The following ATP13A3 variants were observed in gnomAD, a reference collection of about 807,000 sequenced individuals.
ATP13A3 encodes the protein ATPase 13A3.
A neutral mutation model predicts 158.1 loss-of-function variants in ATP13A3; 59 were observed. The observed-to-expected ratio is 0.37, with a 90% CI of 0.30 to 0.46. The LOEUF (loss-of-function observed/expected upper bound fraction) is 0.46, where lower values mean the gene tolerates loss of function less well. Among genes scored for constraint, ATP13A3 ranks in the 20% least tolerant of loss-of-function variants. The pLI is 1.00. For missense variants in ATP13A3, 1,166 were observed against 1,525.2 expected (o/e 0.76, Z 3.92); for synonymous variants, 491 against 504.3 (o/e 0.97, Z 0.35).
chr3:194,447,987 C>T lies in ATP13A3; in HGVS notation c.1173G>A (p.Gln391=). Residue 391 remains glutamine, a synonymous_variant, in exon 13 of 34, where the codon CAG becomes CAA. Coordinates refer to ENST00000645319, the MANE Select transcript of ATP13A3 (RefSeq NM_001367549.1). ...TGGGATACAATATGGAACGAACAAG[C>T]TGTCCTTTGGAAGTACTAAATCCTT... ...VRTGFSTSKG[Q]LVRSILYPKP... is the part of the protein sequence containing the mutation. 2 of 1,608,612 alleles carry T rather than the reference C, an allele frequency of 1.2e-6. No homozygotes were observed. Among genetic ancestry groups the T allele is most frequent in the Non-Finnish European group, 1.7e-6 (2 of 1,175,262 alleles).
At position 194,442,075 on chromosome 3, in the gene ATP13A3, C is replaced by G. The variant is rs575513411; in HGVS notation, c.1560-614G>C. 9.1e-4 allele frequency among the ~76,000 whole-genome samples: 138 copies of G among 152,168 alleles called. No individual in the cohort carries two copies. In the Middle Eastern group the frequency reaches 0.031, roughly 34 times the overall value. Reference sequence around the variant, plus strand: ...AAGCAGGGTGGTTAAGTGACTTGTCCCAGGTTACACCGTCCATAAGTAGCA... The same window carrying G: ...AAGCAGGGTGGTTAAGTGACTTGTCGCAGGTTACACCGTCCATAAGTAGCA... On this transcript the variant is annotated intron_variant, in intron 15 of 33. Transcript: ENST00000645319.
chr3:194,449,454 T>C (rs71317903), intron 11 of ATP13A3, among the ~76,000 whole-genome samples: 19,094 of 152,198 alleles, frequency 0.13, 1,368 homozygotes, highest in South Asian at 0.24. Flanking sequence ...CCAAGGTGGA[T>C]GGATCACCTG....
Position 194,494,189 on chromosome 3 carries a change from C to T in ATP13A3, n.607G>A, listed in dbSNP as rs770515685. 90 of 398,482 alleles carry T rather than the reference C, an allele frequency of 2.3e-4. No individual in the cohort carries two copies. The highest frequency in any genetic ancestry group is 3.5e-4 in the Non-Finnish European group (79 of 226,116). The allele number at this position is 398,482 out of a possible 1,614,324, so 24.7% of individuals were successfully genotyped here. On this transcript the variant is annotated non_coding_transcript_exon_variant, in exon 2 of 33. Coordinates refer to the ATP13A3 transcript ENST00000687055. This position sits in a 1 kb window ranked among gnomAD's most constrained non-coding sequence, Gnocchi z 4.2. ...AACTCTGGATTATCTGTTTAAGCAC[C>T]CAGACTTCCACCTCCTCATGAGCCA...
intron 30 of ATP13A3, 53 bp downstream of exon 30, chr3:194,425,289 A>AT: frequency 6.8e-7 from 1 of 1,460,188 alleles, no homozygotes; most frequent in Non-Finnish European, 9.5e-7. Context: ...TCTCTTCTAC[A>AT]TTAGTTTTAA....
upstream of ATP13A3, among the ~76,000 whole-genome samples, chr3:194,490,235 G>A (rs995303424): frequency 2.0e-5 from 3 of 151,928 alleles, no homozygotes; most frequent in Non-Finnish European, 2.9e-5. This position sits in a 1 kb window ranked among gnomAD's most constrained non-coding sequence, Gnocchi z 4.4. Context: ...ATCCTACATC[G>A]GCCCCAGGAT....
chr3:194,462,030 A>G lies in ATP13A3; in HGVS notation c.51+110T>C, dbSNP rs114403173. The G allele has an allele frequency of 2.2e-3, 2,162 of 963,780 alleles. 29 individuals carry two copies. The African/African-American group carries it at 0.031, about 14-fold the overall frequency. 59.7% of individuals were successfully genotyped at this position (963,780 alleles called of 1,614,324 possible). On this transcript the variant is annotated intron_variant, in intron 3 of 33. Coordinates refer to ENST00000645319, the MANE Select transcript of ATP13A3 (RefSeq NM_001367549.1). ...ACAGGATGAAGAAAGAAGCCCATTG[A>G]GTTAGCTGCTGCCGCCACTGTTGTT...
At chr3:194,450,918 T>C (rs1204478374) in intron 10 of ATP13A3, 2 of 152,220 alleles carry the variant, frequency 1.3e-5, no homozygotes, top group Admixed American at 6.5e-5. Context: ...CTGGTACAAG[T>C]TGGTGTTTGA....
At position 194,447,673 on chromosome 3, in the gene ATP13A3, G is replaced by C. The variant is rs899440239; in HGVS notation, c.1308+179C>G. On this transcript the variant is annotated intron_variant, in intron 13 of 33. Transcript: ENST00000645319. ...TCCTTTACAATGGAAATGTTCTATA[G>C]CTGGGCTTTCTAATATCATAGCTAC... 2.0e-5 allele frequency among the ~76,000 whole-genome samples: 3 copies of C among 151,764 alleles called. No individual in the cohort carries two copies. The South Asian group carries it at 6.2e-4, about 31-fold the overall frequency.
intron 30 of ATP13A3, chr3:194,420,474 A>C (rs1345454446): frequency 6.6e-6 from 1 of 152,272 alleles, no homozygotes; most frequent in Non-Finnish European, 1.5e-5. Flanking sequence ...TTCTAACCTA[A>C]ATGTAAATGT....
Position 194,454,381 on chromosome 3 carries a change from T to A in ATP13A3, c.642A>T (p.Pro214=). 6.2e-7 allele frequency: 1 copy of A among 1,611,314 alleles called. No homozygotes were observed. Among genetic ancestry groups the A allele is most frequent in the Non-Finnish European group, 8.5e-7 (1 of 1,178,084 alleles). Residue 214 remains proline (P), a synonymous_variant, in exon 9 of 34, where the codon CCA becomes CCT. Coordinates refer to ENST00000645319, the MANE Select transcript of ATP13A3 (RefSeq NM_001367549.1). ...FKLLIKEVLN[P]FYIFQLFSVI... is the part of the protein sequence containing the mutation. Reference sequence around the variant, plus strand: ...CACTGAACAGCTGGAAAATGTAAAATGGGTTGAGAACCTAAAAAACAAGAT... The same window carrying A: ...CACTGAACAGCTGGAAAATGTAAAAAGGGTTGAGAACCTAAAAAACAAGAT...
At chr3:194,454,144 T>C in intron 9 of ATP13A3, 114 bp downstream of exon 9, 1 of 1,112,830 alleles carries the variant, frequency 9.0e-7, no homozygotes, top group Non-Finnish European at 1.3e-6. Context: ...TTCATGCAAC[T>C]AAAATAATGA....
At chr3:194,408,756 A>T (rs1715136735) in intron 33 of ATP13A3, among the ~76,000 whole-genome samples, 2 of 152,072 alleles carry the variant, frequency 1.3e-5, no homozygotes, top group Non-Finnish European at 2.9e-5. Flanking sequence ...ATACACAAAA[A>T]GTACACTACA....
chr3:194,452,936 TAGA>T, intron 10 of ATP13A3: 1 of 152,252 alleles, frequency 6.6e-6, no homozygotes, highest in African/African-American at 2.4e-5. Context: ...GCCTGCTACA[TAGA>T]AGAAAAATAC....
At chr3:194,453,307 C>T (rs1202365837) in intron 10 of ATP13A3, among the ~76,000 whole-genome samples, 2 of 147,532 alleles carry the variant, frequency 1.4e-5, no homozygotes, top group Admixed American at 1.4e-4. Context: ...AAAAAAAGGC[C>T]GGGTGCACAG....
chr3:194,466,763 A>AC (rs1480097478), intron 2 of ATP13A3, among the ~76,000 whole-genome samples: 3 of 152,200 alleles, frequency 2.0e-5, no homozygotes, highest in Non-Finnish European at 4.4e-5. Context: ...AAATGAGAGA[A>AC]CCACTTGAGC....
intron 20 of ATP13A3, among the ~76,000 whole-genome samples, chr3:194,435,399 T>TAG (rs1304190359): frequency 6.6e-6 from 1 of 151,848 alleles, no homozygotes; most frequent in Admixed American, 6.6e-5. Flanking sequence ...AGTTAGTGAA[T>TAG]AGTCCAATAT....
At chr3:194,466,467 T>C (rs1275879897) in intron 2 of ATP13A3, among the ~76,000 whole-genome samples, 1 of 152,184 alleles carries the variant, frequency 6.6e-6, no homozygotes, top group Non-Finnish European at 1.5e-5. Context: ...AATAAGCAAC[T>C]TGACACTGAT....
Position 194,433,860 on chromosome 3 carries a change from T to C in ATP13A3, c.2157A>G (p.Leu719=), listed in dbSNP as rs766097662. 2 of 1,613,786 alleles carry C rather than the reference T, an allele frequency of 1.2e-6. No homozygotes were observed. The highest frequency in any genetic ancestry group is 1.1e-5 in the South Asian group (1 of 91,072). The change falls in exon 21 of 34, where the codon TTA becomes TTG. Residue 719 remains leucine, a synonymous_variant. Transcript: ENST00000645319. ...GCTTTAATTTGTTCTGCATTATAAT[T>C]AATCCCATAAAATCCATGTTGTTCT... ...AIENNMDFMG[L]IIMQNKLKQE... is the part of the protein sequence containing the mutation.
At chr3:194,442,286 A>C (rs1718102863) in intron 15 of ATP13A3, among the ~76,000 whole-genome samples, 1 of 152,228 alleles carries the variant, frequency 6.6e-6, no homozygotes, top group Non-Finnish European at 1.5e-5. Flanking sequence ...AACAGACATA[A>C]CAAAGACAGA....
Sources: gnomAD v4.1 joint callset for allele counts (sites outside exome capture counted in the v4.1 genomes callset) on GRCh38, gnomAD v4.1.1 for gene constraint, Gnocchi (gnomAD v3.1) non-coding constraint, MANE v1.5 for transcripts, NCBI Gene and HGNC (gene_info 2026-07-23, HGNC 2026-07-21) for gene names.